Variants in CLUH observed in about 807,000 individuals in gnomAD.
The protein encoded by CLUH is clustered mitochondria protein homolog.
Under a neutral mutation model 139.3 loss-of-function variants are expected in CLUH, and 77 were observed. The observed-to-expected ratio is 0.55, with a 90% CI of 0.46 to 0.67. The LOEUF (loss-of-function observed/expected upper bound fraction) is 0.67, where lower values mean the gene tolerates loss of function less well. CLUH is among the 30% of genes least tolerant of loss of function. CLUH has a pLI of 0.00. For synonymous variants in CLUH, 999 were observed against 801.6 expected, an observed-to-expected ratio of 1.25 and a Z score of -4.16; for missense variants, 1,876 against 1,875.8, an observed-to-expected ratio of 1.00 and a Z score of 0.00.
intron 12 of CLUH, 49 bp from the exon 13 acceptor site, chr17:2,696,308 T>C: frequency 6.5e-7 from 1 of 1,526,872 alleles, no homozygotes; most frequent in Non-Finnish European, 8.9e-7. Context: ...GCAAGACAAA[T>C]GCCGCCTGGC....
chr17:2,694,822 TCCC>T, intron 16 of CLUH, 32 bp downstream of exon 16: 627 of 1,345,194 alleles, frequency 4.7e-4, no homozygotes, highest in Non-Finnish European at 5.7e-4. Context: ...ATCTGCCCAA[TCCC>T]ACCCACCCCA....
Position 2,707,714 on chromosome 17 carries a change from G to A in CLUH, c.101-3150C>T. ...CCGCTTCTGCCAGCTGCCGCCAACA[G>A]CTGGCACAGACCCGGGTCCAGGCCA... On this transcript the variant is annotated intron_variant, in intron 1 of 25. Coordinates refer to ENST00000651024, the MANE Select transcript of CLUH (RefSeq NM_001366661.1). This position sits in a 1 kb window ranked among gnomAD's most constrained non-coding sequence, Gnocchi z 7.4. The A allele has an allele frequency of 1.0e-6, 1 of 985,398 alleles. No individual in the cohort carries two copies. Among genetic ancestry groups the A allele is most frequent in the Non-Finnish European group, 1.2e-6 (1 of 829,910 alleles). 61.0% of individuals were successfully genotyped at this position (985,398 alleles called of 1,614,324 possible).
chr17:2,707,458 ACCCGGTGG>A lies in CLUH; in HGVS notation c.101-2902_101-2895del. The A allele has an allele frequency of 1.0e-6, 1 of 985,362 alleles. No individual in the cohort carries two copies. The highest frequency in any genetic ancestry group is 1.2e-6 in the Non-Finnish European group (1 of 829,900). 61.0% of individuals were successfully genotyped at this position (985,362 alleles called of 1,614,324 possible). Reference sequence around the variant, plus strand: ...AGAAGGACGGCTGTGGGCCAGGAGAACCCGGTGGCCCCAGGACCCCAGGGGGAGCTGCT... The same window carrying A: ...AGAAGGACGGCTGTGGGCCAGGAGAACCCCAGGACCCCAGGGGGAGCTGCT... On this transcript the variant is annotated intron_variant, in intron 1 of 25. Transcript: ENST00000651024. The surrounding 1 kb of genome is among the most constrained non-coding windows in gnomAD (Gnocchi z 7.4).
chr17:2,691,430 C>T (rs1312660393), intron 25 of CLUH, 179 bp downstream of exon 25: 20 of 619,254 alleles, frequency 3.2e-5, no homozygotes, highest in Admixed American at 8.0e-5. Flanking sequence ...GGCGAGGTGG[C>T]GGACACCTGT....
In CLUH at chr17:2,698,194, A is replaced by G. The variant is rs376492921; in HGVS notation, c.1663T>C (p.Tyr555His). Residue 555 changes from tyrosine (Y) to histidine (H), a missense_variant, in exon 10 of 26, where the codon TAC becomes CAC. By Grantham distance (83) the Tyr-to-His change is moderately conservative. Transcript: ENST00000651024. The stretch of plus-strand genomic sequence containing the variant: ...CTCGTGCGCTCCAGCAGCTCCAGGT[A>G]CCGCGGGTGTGACACCACGGTCTTG... ...FGKTVVSHPR[Y>H]LELLERTSRP... 4.4e-6 allele frequency: 7 copies of G among 1,576,362 alleles called. No homozygotes were observed. The African/African-American group carries it at 5.4e-5, about 12-fold the overall frequency.
chr17:2,697,780 A>G (rs914814518), intron 10 of CLUH, 116 bp downstream of exon 10: 6 of 985,332 alleles, frequency 6.1e-6, no homozygotes, highest in Non-Finnish European at 8.6e-6. Context: ...GGCTAGACGG[A>G]GCCCTTCTTC....
chr17:2,692,300 C>T (rs2069723020), intron 22 of CLUH, 61 bp downstream of exon 22: 2 of 1,478,862 alleles, frequency 1.4e-6, no homozygotes, highest in Admixed American at 2.3e-5. Flanking sequence ...CTCTTCCCCG[C>T]CCCCGCCGGC....
intron 1 of CLUH, among the ~76,000 whole-genome samples, chr17:2,708,833 C>G (rs2070425967): frequency 6.8e-6 from 1 of 147,142 alleles, no homozygotes; most frequent in Admixed American, 6.9e-5. Context: ...CTGCACCTGC[C>G]TCCTCGTCCA....
intron 19 of CLUH, 133 bp downstream of exon 19, chr17:2,693,767 C>T (rs1381550525): frequency 1.7e-6 from 2 of 1,165,458 alleles, no homozygotes; most frequent in South Asian, 1.5e-5. Flanking sequence ...GGGGTGGAGC[C>T]AGGGGTGGCC....
Position 2,707,066 on chromosome 17 carries a change from C to T in CLUH, c.101-2502G>A. 5 of 590,286 alleles carry T rather than the reference C, an allele frequency of 8.5e-6. No individual in the cohort carries two copies. Among genetic ancestry groups the T allele is most frequent in the Non-Finnish European group, 1.1e-5 (5 of 468,712 alleles). The allele number at this position is 590,286 out of a possible 1,614,324, so 36.6% of individuals were successfully genotyped here. Reference sequence around the variant, plus strand: ...CCTCTCCCCAGGACAGCATGTTTTACCCTAATCCTTCCTCCTAGGAACCCC... The same window carrying T: ...CCTCTCCCCAGGACAGCATGTTTTATCCTAATCCTTCCTCCTAGGAACCCC... On this transcript the variant is annotated intron_variant, in intron 1 of 25. Coordinates refer to ENST00000651024, the MANE Select transcript of CLUH (RefSeq NM_001366661.1). The surrounding 1 kb of genome is among the most constrained non-coding windows in gnomAD (Gnocchi z 7.4).
In CLUH at chr17:2,696,254, G is replaced by A. The variant is rs1378915025; in HGVS notation, c.2296C>T (p.Arg766Cys). 6 of 1,571,396 alleles carry A rather than the reference G, an allele frequency of 3.8e-6. No homozygotes were observed. The highest frequency in any genetic ancestry group is 5.2e-6 in the Non-Finnish European group (6 of 1,158,858). ...FNPDIFSPGV[R>C]FPESCQDEVR... ...TCATCCTGGCAGGACTCAGGGAAACGAACCCCTGGAGGAGGGAGAGCAGAG... is the reference window on the plus strand; with the variant it reads ...TCATCCTGGCAGGACTCAGGGAAACAAACCCCTGGAGGAGGGAGAGCAGAG... Residue 766 changes from arginine (R) to cysteine (C), a missense_variant, in exon 13 of 26, where the codon CGT (arginine) becomes TGT (cysteine). By Grantham distance (180) the Arg-to-Cys change is radical. Transcript: ENST00000651024.
At chr17:2,692,721 AG>A (rs1019154638) in intron 20 of CLUH, 25 bp from the exon 21 acceptor site, 1 of 1,605,498 alleles carries the variant, frequency 6.2e-7, no homozygotes, top group African/African-American at 1.3e-5. Flanking sequence ...GAGACAGGTC[AG>A]GGTGGCCGCG....
chr17:2,708,090 G>T, intron 1 of CLUH: 1 of 797,262 alleles, frequency 1.3e-6, no homozygotes, highest in Non-Finnish European at 1.5e-6. Context: ...GAGGTGCCCA[G>T]CTGGCCAGGG....
chr17:2,705,747 A>C (rs1176497801), intron 1 of CLUH, among the ~76,000 whole-genome samples: 1 of 152,106 alleles, frequency 6.6e-6, no homozygotes, highest in African/African-American at 2.4e-5. Context: ...GCAACAAATA[A>C]AGTACTTACT....
intron 1 of CLUH, among the ~76,000 whole-genome samples, chr17:2,705,062 C>T (rs557674692): frequency 2.6e-4 from 39 of 151,874 alleles, no homozygotes; most frequent in South Asian, 2.1e-4. Flanking sequence ...CCCTCCCATA[C>T]ACTCCTGCCC....
Position 2,704,459 on chromosome 17 carries a change from G to A in CLUH, c.206C>T (p.Pro69Leu), listed in dbSNP as rs758323365. Reference protein sequence around the residue: ...PRENGLDEAGPGDETTGQEVI... With the variant: ...PRENGLDEAGLGDETTGQEVI... ...TTCCTGGCCGGTGGTCTCATCTCCC[G>A]GGCCGGCCTCGTCAAGCCCATTTTC... Residue 69 changes from proline (P) to leucine (L), a missense_variant, in exon 2 of 26, where the codon CCG becomes CTG. Pro to Leu is a moderately conservative substitution (Grantham distance 98, BLOSUM62 -3). Transcript: ENST00000651024. This position sits in a 1 kb window ranked among gnomAD's most constrained non-coding sequence, Gnocchi z 5.7. 21 of 1,603,244 alleles carry A rather than the reference G, an allele frequency of 1.3e-5. No individual in the cohort carries two copies. The highest frequency in any genetic ancestry group is 3.4e-5 in the South Asian group (3 of 88,986).
In CLUH at chr17:2,690,582, C is replaced by G. The variant is rs377717995; in HGVS notation, c.*12G>C. 6 of 1,443,014 alleles carry G rather than the reference C, an allele frequency of 4.2e-6. No homozygotes were observed. The African/African-American group carries it at 8.9e-5, about 21-fold the overall frequency. 89.4% of individuals were successfully genotyped at this position (1,443,014 alleles called of 1,614,324 possible). On this transcript the variant is annotated 3_prime_UTR_variant, in exon 26 of 26. Coordinates refer to ENST00000651024, the MANE Select transcript of CLUH (RefSeq NM_001366661.1). ...ACGGGGCCGCTGGCTGGCTGTCCGT[C>G]TGGCTCCCTCTCTATCCCTGCACGC...
At chr17:2,695,889 T>C in intron 13 of CLUH, 1 of 583,366 alleles carries the variant, frequency 1.7e-6, no homozygotes, top group South Asian at 2.1e-5. Context: ...CAGCCCCCAC[T>C]GAGCTCTGGC....
At position 2,701,681 on chromosome 17, in the gene CLUH, C is replaced by T. The variant is rs1228353500; in HGVS notation, c.676G>A (p.Glu226Lys). The T allele has an allele frequency of 1.9e-6, 3 of 1,597,396 alleles. No homozygotes were observed. Among genetic ancestry groups the T allele is most frequent in the Non-Finnish European group, 1.7e-6 (2 of 1,172,214 alleles). ...TCCCGGCTCCCTGGCAGGATGTACT[C>T]GGGTGGTGTGCAGTCGATGGGGTCC... ...EMDPIDCTPP[E>K]YILPGSRERP... Residue 226 changes from glutamate to lysine, a missense_variant, in exon 5 of 26, where the codon GAG becomes AAG. Physicochemically the swap from Glu to Lys is moderately conservative, Grantham distance 56. Around this residue, in one of 3 missense-constraint regions of CLUH, gnomAD observed 270 missense variants for 354.7 expected, o/e 0.76. Transcript: ENST00000651024.
Sources: allele counts gnomAD v4.1 joint callset (sites outside exome capture counted in the v4.1 genomes callset), GRCh38; gene constraint gnomAD v4.1.1; regional missense constraint gnomAD v4.1.1; non-coding constraint Gnocchi (gnomAD v3.1); transcripts MANE v1.5; gene names NCBI Gene and HGNC (gene_info 2026-07-23, HGNC 2026-07-21).